The following LRBA variants were observed in gnomAD, a reference collection of about 807,000 sequenced individuals.
The protein encoded by LRBA is LPS responsive beige-like anchor protein, also known as lipopolysaccharide-responsive and beige-like anchor protein.
In LRBA, 176 loss-of-function variants were observed where a neutral mutation model predicts 330.0. The ratio of observed to expected loss-of-function variants is 0.53; its 90% CI spans 0.47 to 0.60. LRBA has a LOEUF of 0.60. LRBA is among the 20% of genes least tolerant of loss of function. LRBA has a pLI of 0.00. For synonymous variants in LRBA, 1,230 were observed against 1,193.0 expected (o/e 1.03, Z -0.64); for missense variants, 3,259 against 3,444.8 (o/e 0.95, Z 1.35).
chr4:150,828,204 G>C lies in LRBA; in HGVS notation c.5147C>G (p.Pro1716Arg), dbSNP rs1365494540. 6.2e-7 allele frequency: 1 copy of C among 1,614,026 alleles called. No individual in the cohort carries two copies. Among genetic ancestry groups the C allele is most frequent in the African/African-American group, 1.3e-5 (1 of 75,022 alleles). ...GALGDLSVEQ[P>R]VQFRSFDRSV... Reference sequence around the variant, plus strand: ...CCTGTCAAAAGATCTGAACTGCACGGGTTGTTCCACAGATAGATCACCAAG... The same window carrying C: ...CCTGTCAAAAGATCTGAACTGCACGCGTTGTTCCACAGATAGATCACCAAG... Residue 1716 changes from proline to arginine, a missense_variant, in exon 30 of 57, where the codon CCC (proline) becomes CGC (arginine). Transcript: ENST00000651943.
intron 51 of LRBA, chr4:150,314,919 A>T (rs1731523276): frequency 6.6e-6 from 1 of 152,176 alleles, no homozygotes; most frequent in Admixed American, 6.6e-5. Flanking sequence ...TCCCCTGAAC[A>T]AATTTAACCT....
At chr4:150,373,125 G>A (rs529227301) in intron 47 of LRBA, among the ~76,000 whole-genome samples, 6 of 8,976 alleles carry the variant, frequency 6.7e-4, no homozygotes, top group African/African-American at 1.4e-3. Context: ...CTACAATCTC[G>A]TGTGTGTGTG....
At chr4:150,578,808 A>G (rs781390042) in intron 40 of LRBA, among the ~76,000 whole-genome samples, 3 of 152,242 alleles carry the variant, frequency 2.0e-5, no homozygotes, top group African/African-American at 7.2e-5. Context: ...TATCCAAAAC[A>G]AAAAATTCAG....
chr4:150,886,912 A>T (rs1194716442), intron 17 of LRBA, among the ~76,000 whole-genome samples: 1 of 152,258 alleles, frequency 6.6e-6, no homozygotes, highest in East Asian at 1.9e-4. Context: ...GACTTATCAC[A>T]CAAAGACTTT....
At position 150,567,404 on chromosome 4, in the gene LRBA, G is replaced by A. The variant is rs78327570; in HGVS notation, c.6330+20644C>T. Among the ~76,000 whole-genome samples, 791 of 152,164 alleles carry A rather than the reference G, an allele frequency of 5.2e-3. 7 individuals are homozygous for A. The highest frequency in any genetic ancestry group is 8.5e-3 in the Admixed American group (130 of 15,240). On this transcript the variant is annotated intron_variant, in intron 40 of 56. Coordinates refer to ENST00000651943, the MANE Select transcript of LRBA (RefSeq NM_001364905.1). ...ATAACGGACACTATTTAAGTTGTGG[G>A]AAGGCAAAACTTACTTAAGAAACTG...
chr4:150,438,862 G>A (rs1561178956), intron 44 of LRBA, among the ~76,000 whole-genome samples: 1 of 152,078 alleles, frequency 6.6e-6, no homozygotes. Context: ...ATTATTGTAT[G>A]TTAAGGCATT....
chr4:150,953,066 T>C (rs140516352), intron 2 of LRBA, among the ~76,000 whole-genome samples: 3 of 152,318 alleles, frequency 2.0e-5, no homozygotes, highest in African/African-American at 7.2e-5. Flanking sequence ...ATAGCCCTGA[T>C]AAACTCTCTT....
Position 150,583,023 on chromosome 4 carries a change from C to G in LRBA, c.6330+5025G>C. 6.3e-7 allele frequency: 1 copy of G among 1,582,676 alleles called. No homozygotes were observed. On this transcript the variant is annotated intron_variant, in intron 40 of 56. Transcript: ENST00000651943. The surrounding 1 kb of genome is among the most constrained non-coding windows in gnomAD (Gnocchi z 9.8). ...CGCCGGTGTATAGCCCGGACCTGTG[C>G]CCCAACATGATCGCCGCTCAGGCCA...
At chr4:150,511,412 T>C (rs148194377) in intron 40 of LRBA, among the ~76,000 whole-genome samples, 8 of 152,332 alleles carry the variant, frequency 5.3e-5, no homozygotes, top group Non-Finnish European at 1.0e-4. Flanking sequence ...GAGGTTCTTA[T>C]CATCTTTTAC....
chr4:150,904,858 A>T (rs1435811146), intron 13 of LRBA, among the ~76,000 whole-genome samples: 1 of 152,130 alleles, frequency 6.6e-6, no homozygotes, highest in Non-Finnish European at 1.5e-5. Flanking sequence ...ACTCTAGAAA[A>T]GCAAAAAAGT....
chr4:150,444,424 G>C (rs906165811), intron 44 of LRBA, among the ~76,000 whole-genome samples: 1 of 152,084 alleles, frequency 6.6e-6, no homozygotes, highest in African/African-American at 2.4e-5. Flanking sequence ...GCCACTGTTA[G>C]GGGGTGCAGC....
intron 40 of LRBA, among the ~76,000 whole-genome samples, chr4:150,559,525 T>C (rs1039293740): frequency 7.4e-6 from 1 of 135,346 alleles, no homozygotes; most frequent in South Asian, 2.1e-4. Flanking sequence ...CTCAAAAAAA[T>C]ATATATACAT....
chr4:150,815,546 T>C (rs1005753764), intron 31 of LRBA, among the ~76,000 whole-genome samples: 8 of 151,762 alleles, frequency 5.3e-5, no homozygotes, highest in African/African-American at 1.9e-4. Context: ...ATCTAAAAAA[T>C]AAAGTCTATT....
intron 40 of LRBA, among the ~76,000 whole-genome samples, chr4:150,509,568 CA>C (rs35485784): frequency 0.66 from 93,325 of 141,888 alleles, 31,140 homozygotes; most frequent in Non-Finnish European, 0.75. Flanking sequence ...AATAGAAAAC[CA>C]AAAAAAAAAA....
rs764596591 is a variant in LRBA at position 150,852,801 on chromosome 4, C to T, written c.2909G>A (p.Gly970Glu). 5.0e-6 allele frequency: 8 copies of T among 1,613,848 alleles called. No homozygotes were observed. In the Admixed American group the frequency reaches 6.7e-5, roughly 13 times the overall value. Residue 970 changes from glycine to glutamate, a missense_variant, in exon 23 of 57, where the codon GGA becomes GAA. Gly to Glu is a moderately conservative substitution (Grantham distance 98, BLOSUM62 -2). Transcript: ENST00000651943. ...ATCCTTCGTATCTGGTTGCTGGGAT[C>T]CTACTGAAACATTAATATCCCTTCT... is the stretch of plus-strand genomic sequence containing the variant. ...GIRRDINVSV[G>E]SQQPDTKDSP...
chr4:150,490,035 T>C (rs1367125314), intron 41 of LRBA, among the ~76,000 whole-genome samples: 2 of 151,488 alleles, frequency 1.3e-5, no homozygotes, highest in Non-Finnish European at 3.0e-5. Context: ...GGATGCGGAC[T>C]GAAATAAAGT....
At chr4:150,414,224 A>G (rs1184988140) in intron 47 of LRBA, among the ~76,000 whole-genome samples, 1 of 152,186 alleles carries the variant, frequency 6.6e-6, no homozygotes, top group Non-Finnish European at 1.5e-5. Context: ...AAAGGATTGG[A>G]AAATCTGGTC....
At chr4:150,860,903 A>T (rs924228873) in intron 22 of LRBA, among the ~76,000 whole-genome samples, 2 of 152,156 alleles carry the variant, frequency 1.3e-5, no homozygotes, top group Non-Finnish European at 2.9e-5. Flanking sequence ...ATGCATCATT[A>T]AGCAATTTCA....
chr4:150,742,237 C>T (rs560382535), intron 35 of LRBA, among the ~76,000 whole-genome samples: 1 of 151,164 alleles, frequency 6.6e-6, no homozygotes, highest in Non-Finnish European at 1.5e-5. Flanking sequence ...CCTCAACCTC[C>T]CAAGCTCAAG....
Sources: allele counts gnomAD v4.1 joint callset (sites outside exome capture counted in the v4.1 genomes callset), GRCh38; gene constraint gnomAD v4.1.1; non-coding constraint Gnocchi (gnomAD v3.1); transcripts MANE v1.5; gene names NCBI Gene and HGNC (gene_info 2026-07-23, HGNC 2026-07-21).